Variants in CPB2 observed in about 807,000 individuals in gnomAD.
CPB2 encodes carboxypeptidase B-like protein.
A neutral mutation model predicts 57.0 loss-of-function variants in CPB2; 54 were observed. The ratio of observed to expected loss-of-function variants is 0.95; its 90% CI spans 0.76 to 1.19. The LOEUF is 1.19. Ranked by LOEUF, CPB2 falls within the 50% of genes most tolerant of loss-of-function variation. The pLI is 0.00. For synonymous variants in CPB2, 189 were observed against 178.1 expected (o/e 1.06, Z -0.49); for missense variants, 426 against 512.0 (o/e 0.83, Z 1.62).
intron 6 of CPB2, among the ~76,000 whole-genome samples, chr13:46,069,968 G>A (rs907829689): frequency 1.3e-5 from 2 of 152,162 alleles, no homozygotes; most frequent in African/African-American, 2.4e-5. Flanking sequence ...TTGAAGGTAC[G>A]ATTTACCAAC....
chr13:46,102,938 C>T (rs11619614), intron 1 of CPB2, among the ~76,000 whole-genome samples: 3,189 of 152,200 alleles, frequency 0.021, 51 homozygotes, highest in Non-Finnish European at 0.028. Context: ...TAGTCACATT[C>T]TCATTCCTTT....
chr13:46,082,088 G>A (rs1057468050), intron 4 of CPB2, among the ~76,000 whole-genome samples: 12 of 152,074 alleles, frequency 7.9e-5, no homozygotes, highest in African/African-American at 2.9e-4. Flanking sequence ...TAAAATTAGG[G>A]TAATGGTCCA....
At chr13:46,097,417 G>C (rs1285466808) in intron 1 of CPB2, 1 of 152,188 alleles carries the variant, frequency 6.6e-6, no homozygotes, top group African/African-American at 2.4e-5. Flanking sequence ...GACTACATCT[G>C]TCCTCTTCCA....
chr13:46,053,524 A>G lies in CPB2; in HGVS notation c.*90T>C, dbSNP rs989818292. On this transcript the variant is annotated 3_prime_UTR_variant, in exon 11 of 11. Transcript: ENST00000181383. ...GGAAAATCTTTTATCAAAACTACGG[A>G]TAAAACTTAAAAATAATTTGATACA... 72 of 1,523,870 alleles carry G rather than the reference A, an allele frequency of 4.7e-5. 1 individual carries two copies. Among genetic ancestry groups the G allele is most frequent in the Middle Eastern group, 1.8e-4 (1 of 5,620 alleles). The allele number at this position is 1,523,870 out of a possible 1,614,324, so 94.4% of individuals were successfully genotyped here.
intron 7 of CPB2, among the ~76,000 whole-genome samples, chr13:46,066,076 C>T (rs566894300): frequency 2.8e-4 from 43 of 152,280 alleles, no homozygotes; most frequent in African/African-American, 8.4e-4. Flanking sequence ...TCCTCAATCT[C>T]CTGTGCCATT....
At chr13:46,095,801 G>A (rs1395590935) in intron 1 of CPB2, among the ~76,000 whole-genome samples, 1 of 150,354 alleles carries the variant, frequency 6.7e-6, no homozygotes, top group Non-Finnish European at 1.5e-5. Context: ...TAATAACTGA[G>A]TATGGTGGGG....
intron 8 of CPB2, among the ~76,000 whole-genome samples, chr13:46,063,437 T>G (rs2044805504): frequency 6.6e-6 from 1 of 152,260 alleles, no homozygotes; most frequent in African/African-American, 2.4e-5. Context: ...TTTCTGTTTC[T>G]GTGTTAATTT....
intron 8 of CPB2, among the ~76,000 whole-genome samples, chr13:46,064,374 T>C (rs569087503): frequency 1.3e-5 from 2 of 152,322 alleles, no homozygotes; most frequent in African/African-American, 2.4e-5. Context: ...TCCAAGATAA[T>C]AGATTTTAGA....
At chr13:46,058,665 C>A (rs1204472005) in intron 8 of CPB2, among the ~76,000 whole-genome samples, 1 of 152,200 alleles carries the variant, frequency 6.6e-6, no homozygotes, top group Non-Finnish European at 1.5e-5. Context: ...AGCCCTGTCT[C>A]CAGACTTATG....
At chr13:46,089,530 G>C (rs147035929) in intron 1 of CPB2, among the ~76,000 whole-genome samples, 3 of 152,162 alleles carry the variant, frequency 2.0e-5, no homozygotes, top group Non-Finnish European at 2.9e-5. Context: ...GAGCACCAGG[G>C]AGAGTTCTAT....
intron 8 of CPB2, among the ~76,000 whole-genome samples, chr13:46,061,898 G>T (rs925411780): frequency 6.6e-6 from 1 of 152,068 alleles, no homozygotes; most frequent in Admixed American, 6.6e-5. Context: ...AATCATAGGG[G>T]CACATTCTAG....
chr13:46,078,971 G>A, intron 4 of CPB2, 70 bp from the exon 5 acceptor site: 1 of 954,186 alleles, frequency 1.0e-6, no homozygotes, highest in Non-Finnish European at 1.7e-6. Context: ...AAAGCAAGCA[G>A]ACAACTTCTT....
chr13:46,074,935 G>A (rs1186573083), intron 5 of CPB2, among the ~76,000 whole-genome samples: 2 of 152,182 alleles, frequency 1.3e-5, no homozygotes, highest in Non-Finnish European at 2.9e-5. Context: ...CTGACAGGAA[G>A]CATTGCTCAG....
chr13:46,082,796 A>G (rs1163176846), intron 3 of CPB2, among the ~76,000 whole-genome samples: 3 of 152,184 alleles, frequency 2.0e-5, no homozygotes, highest in Non-Finnish European at 4.4e-5. Context: ...GGACCTCCAT[A>G]AAAACCACCG....
intron 1 of CPB2, among the ~76,000 whole-genome samples, chr13:46,090,275 T>C (rs1199779502): frequency 6.6e-6 from 1 of 152,048 alleles, no homozygotes; most frequent in Non-Finnish European, 1.5e-5. Context: ...ATTGGATCAA[T>C]AGATTAATAA....
chr13:46,091,288 TTTAATGTAC>T (rs2045289299), intron 1 of CPB2, among the ~76,000 whole-genome samples: 1 of 152,218 alleles, frequency 6.6e-6, no homozygotes, highest in East Asian at 1.9e-4. Context: ...TGCCGTTACT[TTTAATGTAC>T]TTAATGTACT....
intron 9 of CPB2, among the ~76,000 whole-genome samples, chr13:46,057,210 T>C (rs1019219599): frequency 7.2e-5 from 11 of 152,140 alleles, no homozygotes; most frequent in Non-Finnish European, 1.3e-4. Context: ...ATAAATTTCC[T>C]TTTATTTCTT....
chr13:46,097,990 T>C (rs1261977760), intron 1 of CPB2, among the ~76,000 whole-genome samples: 1 of 152,222 alleles, frequency 6.6e-6, no homozygotes, highest in Non-Finnish European at 1.5e-5. Flanking sequence ...GGAGTTACCA[T>C]GGGTTTTCTA....
At chr13:46,084,394 C>A (rs2045168231) in intron 2 of CPB2, 51 bp from the exon 3 acceptor site, 1 of 1,601,088 alleles carries the variant, frequency 6.2e-7, no homozygotes, top group African/African-American at 1.3e-5. Context: ...TTGTTCACAT[C>A]ATTCTCATCT....
Sources: allele counts gnomAD v4.1 joint callset (sites outside exome capture counted in the v4.1 genomes callset), GRCh38; gene constraint gnomAD v4.1.1; transcripts MANE v1.5; gene names NCBI Gene and HGNC (gene_info 2026-07-23, HGNC 2026-07-21).